Variants in SLF1 observed in about 807,000 individuals in gnomAD.
The protein encoded by SLF1 is SMC5/6 complex localization factor 1.
SLF1 carries 105 observed loss-of-function variants against 123.0 expected under a neutral mutation model. The ratio of observed to expected loss-of-function variants is 0.85; its 90% CI spans 0.73 to 1.00. The LOEUF (loss-of-function observed/expected upper bound fraction) is 1.00, where lower values mean the gene tolerates loss of function less well. SLF1 is among the 50% of genes least tolerant of loss of function. The probability of loss-of-function intolerance (pLI) is 0.00; values close to 1 mark genes in which losing one functional copy is unlikely to be tolerated. For missense variants in SLF1, 1,239 were observed against 1,223.0 expected (o/e 1.01, Z -0.20); for synonymous variants, 434 against 406.6 (o/e 1.07, Z -0.81).
chr5:94,653,852 G>A (rs1245887934), intron 8 of SLF1, among the ~76,000 whole-genome samples: 1 of 113,918 alleles, frequency 8.8e-6, no homozygotes, highest in Non-Finnish European at 1.8e-5. Flanking sequence ...TCTGGAGTAT[G>A]ACTTTTTTTT....
rs1000465751 is a variant in SLF1, at chr5:94,630,579, A to G, written c.267A>G (p.Glu89=). ...GATGGCTTGATGAAACAACTTATGA[A>G]TGGGGATATAAAATTGAAAAAGATT... ...SGRWLDETTY[E]WGYKIEKDSR... Residue 89 remains glutamate (E), a synonymous_variant, in exon 4 of 21, where the codon GAA becomes GAG. Transcript: ENST00000265140. 2.6e-6 allele frequency: 4 copies of G among 1,551,670 alleles called. No homozygotes were observed. The highest frequency in any genetic ancestry group is 3.5e-6 in the Non-Finnish European group (4 of 1,146,978).
intron 12 of SLF1, among the ~76,000 whole-genome samples, chr5:94,669,429 C>A (rs1750184799): frequency 6.6e-6 from 1 of 152,008 alleles, no homozygotes; most frequent in Non-Finnish European, 1.5e-5. Flanking sequence ...AATAGTGTTA[C>A]CTAGACACTA....
chr5:94,623,959 TATC>T (rs1244220262), intron 1 of SLF1, among the ~76,000 whole-genome samples: 1 of 152,208 alleles, frequency 6.6e-6, no homozygotes, highest in Non-Finnish European at 1.5e-5. Flanking sequence ...TCACTTGTCA[TATC>T]ATGTGCTGTA....
chr5:94,654,644 TTCTA>T lies in SLF1; in HGVS notation c.1049_1052del (p.Ser350PhefsTer23). ...GCTATATGCAGAAAGAAATGAAGAATTCTATTTTTGCTGAATATGCCAAAGAATC... is the reference window on the plus strand; with the variant it reads ...GCTATATGCAGAAAGAAATGAAGAATTTTTTGCTGAATATGCCAAAGAATC... On this transcript the variant is annotated frameshift_variant, in exon 9 of 21. Coordinates refer to ENST00000265140, the MANE Select transcript of SLF1 (RefSeq NM_032290.4). LOFTEE classifies it high-confidence loss of function. 2.0e-6 allele frequency: 3 copies of T among 1,538,318 alleles called. No individual in the cohort carries two copies. The highest frequency in any genetic ancestry group is 2.6e-6 in the Non-Finnish European group (3 of 1,140,790).
chr5:94,683,324 T>C (rs904254060), intron 15 of SLF1, among the ~76,000 whole-genome samples: 30 of 152,222 alleles, frequency 2.0e-4, no homozygotes, highest in African/African-American at 7.0e-4. Context: ...TTCAGCAAAA[T>C]TTTATTGGCA....
At chr5:94,682,112 T>C (rs1585222579) in intron 15 of SLF1, among the ~76,000 whole-genome samples, 1 of 152,206 alleles carries the variant, frequency 6.6e-6, no homozygotes, top group Non-Finnish European at 1.5e-5. Flanking sequence ...AGTGACAATT[T>C]AAATCTCATC....
chr5:94,647,588 A>G (rs1403191898), intron 5 of SLF1, among the ~76,000 whole-genome samples: 2 of 152,324 alleles, frequency 1.3e-5, no homozygotes, highest in East Asian at 1.9e-4. Flanking sequence ...TACAAAATAT[A>G]CTAGTCTTGG....
chr5:94,650,852 A>G (rs1030237960), intron 6 of SLF1, among the ~76,000 whole-genome samples: 6 of 152,182 alleles, frequency 3.9e-5, no homozygotes, highest in Non-Finnish European at 7.3e-5. Flanking sequence ...ACCACAGTGT[A>G]TAGCATTTTT....
Position 94,695,146 on chromosome 5 carries a change from C to T in SLF1, c.3011C>T (p.Thr1004Ile), listed in dbSNP as rs1561483948. 1 of 1,612,682 alleles carries T rather than the reference C, an allele frequency of 6.2e-7. No homozygotes were observed. Among genetic ancestry groups the T allele is most frequent in the Admixed American group, 1.7e-5 (1 of 59,830 alleles). The change falls in exon 21 of 21, where the codon ACT (threonine) becomes ATT (isoleucine). Residue 1004 changes from threonine (T) to isoleucine (I), a missense_variant. Physicochemically the swap from Thr to Ile is moderately conservative, Grantham distance 89. Transcript: ENST00000265140. ...CATAAAGAAACCACCAGTGTTCATACTGACTGGTTACTGGATCTTTATGCT... is the reference window on the plus strand; with the variant it reads ...CATAAAGAAACCACCAGTGTTCATATTGACTGGTTACTGGATCTTTATGCT... ...KSHKETTSVH[T>I]DWLLDLYAGN...
At chr5:94,650,431 C>T (rs1212776181) in intron 6 of SLF1, among the ~76,000 whole-genome samples, 3 of 149,776 alleles carry the variant, frequency 2.0e-5, no homozygotes, top group Non-Finnish European at 4.4e-5. Flanking sequence ...GGCACTATCT[C>T]GGCTCACTGC....
chr5:94,629,951 C>T (rs1284858898), intron 3 of SLF1, among the ~76,000 whole-genome samples: 3 of 151,994 alleles, frequency 2.0e-5, no homozygotes, highest in Non-Finnish European at 4.4e-5. Context: ...TTAAGACCAG[C>T]CTGGGCAACG....
intron 14 of SLF1, among the ~76,000 whole-genome samples, chr5:94,674,470 T>A (rs1399635926): frequency 6.6e-6 from 1 of 152,228 alleles, no homozygotes; most frequent in Non-Finnish European, 1.5e-5. Flanking sequence ...TAAATTGATA[T>A]AAAACTGCTT....
intron 11 of SLF1, among the ~76,000 whole-genome samples, 199 bp from the exon 12 acceptor site, chr5:94,665,662 A>C (rs1390267242): frequency 1.3e-5 from 2 of 152,174 alleles, no homozygotes; most frequent in African/African-American, 4.8e-5. Context: ...CTGAGGCAGA[A>C]AAATCGCTTG....
chr5:94,673,249 G>A (rs1750668281), intron 14 of SLF1, among the ~76,000 whole-genome samples: 1 of 151,942 alleles, frequency 6.6e-6, no homozygotes, highest in Admixed American at 6.6e-5. Context: ...GCGAAGTCAG[G>A]TATCTGAGTA....
intron 1 of SLF1, among the ~76,000 whole-genome samples, chr5:94,621,720 T>C (rs1791804949): frequency 6.6e-6 from 1 of 152,164 alleles, no homozygotes; most frequent in African/African-American, 2.4e-5. Context: ...TTCTCATTTT[T>C]TTCTCACCAT....
intron 4 of SLF1, among the ~76,000 whole-genome samples, chr5:94,635,817 G>C (rs1745705431): frequency 6.6e-6 from 1 of 152,060 alleles, no homozygotes; most frequent in Admixed American, 6.6e-5. Flanking sequence ...CTGCACTAGA[G>C]ATAAAATTGC....
At position 94,695,251 on chromosome 5, in the gene SLF1, A is replaced by G. The variant is rs1211376369; in HGVS notation, c.3116A>G (p.His1039Arg). 1.2e-6 allele frequency: 2 copies of G among 1,612,156 alleles called. No homozygotes were observed. Among genetic ancestry groups the G allele is most frequent in the African/African-American group, 2.7e-5 (2 of 74,804 alleles). ...AATTTGAAAGTGTGTCCTGGGGTAC[A>G]CACTGAGGCCTTGATGATAACATTG... ...PENLKVCPGV[H>R]TEALMITLEM... is the part of the protein sequence containing the mutation. The change falls in exon 21 of 21, where the codon CAC becomes CGC. Residue 1039 changes from histidine to arginine, a missense_variant. Physicochemically the swap from His to Arg is conservative, Grantham distance 29 (BLOSUM62 0). Transcript: ENST00000265140.
intron 11 of SLF1, 132 bp downstream of exon 11, chr5:94,664,040 G>A: frequency 2.4e-6 from 2 of 818,372 alleles, no homozygotes; most frequent in Non-Finnish European, 3.6e-6. Context: ...CACTAATGCA[G>A]TACCCATTTA....
intron 14 of SLF1, chr5:94,678,365 A>C (rs890453260): frequency 1.3e-5 from 2 of 152,690 alleles, no homozygotes; most frequent in African/African-American, 2.4e-5. Context: ...TGGGTTTCTC[A>C]AGTCTTTCTG....
Sources: allele counts gnomAD v4.1 joint callset (sites outside exome capture counted in the v4.1 genomes callset), GRCh38; gene constraint gnomAD v4.1.1; transcripts MANE v1.5; gene names NCBI Gene and HGNC (gene_info 2026-07-23, HGNC 2026-07-21).